CGNL1: variants seen among roughly 807,000 people sequenced by gnomAD.
The protein encoded by CGNL1 is cingulin-like protein 1.
A neutral mutation model predicts 141.2 loss-of-function variants in CGNL1; 132 were observed. The observed-to-expected ratio is 0.93, with a 90% CI of 0.81 to 1.08. CGNL1 has a LOEUF of 1.08. Ranked by LOEUF, CGNL1 falls within the 50% of genes least tolerant of loss-of-function variation. The pLI is 0.00. For synonymous variants in CGNL1, 690 were observed against 622.1 expected, an observed-to-expected ratio of 1.11 and a Z score of -1.63; for missense variants, 1,870 against 1,588.6, an observed-to-expected ratio of 1.18 and a Z score of -3.01.
At chr15:57,413,479 T>TCCCTAGGGGTTGC (rs1225162134) in intron 1 of CGNL1, among the ~76,000 whole-genome samples, 1 of 152,022 alleles carries the variant, frequency 6.6e-6, no homozygotes. Context: ...CCAGGGGTTG[T>TCCCTAGGGGTTGC]CCCTAGGGGT....
chr15:57,402,017 A>C (rs974471002), intron 1 of CGNL1: 9 of 152,226 alleles, frequency 5.9e-5, no homozygotes, highest in African/African-American at 2.2e-4. Flanking sequence ...GCTGAAGTCC[A>C]GCAGCCATCT....
chr15:57,501,457 C>T (rs1417671213), intron 8 of CGNL1, among the ~76,000 whole-genome samples: 1 of 152,232 alleles, frequency 6.6e-6, no homozygotes, highest in East Asian at 1.9e-4. Flanking sequence ...GCAGAGAGCC[C>T]TGTCCTCAGG....
intron 5 of CGNL1, 41 bp downstream of exon 5, chr15:57,451,642 C>G (rs2063323529): frequency 1.4e-6 from 2 of 1,438,090 alleles, no homozygotes; most frequent in South Asian, 2.4e-5. Flanking sequence ...CCATTTCTGT[C>G]TTGGTTGATA....
chr15:57,506,538 C>G (rs1208772374), intron 8 of CGNL1, among the ~76,000 whole-genome samples: 2 of 152,150 alleles, frequency 1.3e-5, no homozygotes, highest in African/African-American at 4.8e-5. Context: ...GAAATGCAGT[C>G]TTGGTGAGTG....
chr15:57,384,646 T>G (rs2062462031), intron 1 of CGNL1, among the ~76,000 whole-genome samples: 1 of 150,792 alleles, frequency 6.6e-6, no homozygotes, highest in South Asian at 2.1e-4. Context: ...GCTCTTTGTT[T>G]ATGTGTCTGA....
chr15:57,460,476 A>T (rs1477343616), intron 7 of CGNL1, among the ~76,000 whole-genome samples: 1 of 152,232 alleles, frequency 6.6e-6, no homozygotes, highest in East Asian at 1.9e-4. Flanking sequence ...GTATTAGTCC[A>T]TTCTCACACT....
chr15:57,497,958 G>T (rs561176304), intron 8 of CGNL1, among the ~76,000 whole-genome samples: 1 of 152,350 alleles, frequency 6.6e-6, no homozygotes, highest in Non-Finnish European at 1.5e-5. Flanking sequence ...GAGGATCAGA[G>T]GTGGGGATGG....
intron 8 of CGNL1, among the ~76,000 whole-genome samples, chr15:57,499,305 G>C (rs1219010848): frequency 4.1e-5 from 6 of 144,828 alleles, no homozygotes. Context: ...TAATGCAGTG[G>C]TGTGATCTTG....
At chr15:57,382,245 T>A (rs559344267) in intron 1 of CGNL1, among the ~76,000 whole-genome samples, 1 of 152,338 alleles carries the variant, frequency 6.6e-6, no homozygotes, top group African/African-American at 2.4e-5. Context: ...AAAAAAGGGC[T>A]AGTGAATGAA....
intron 1 of CGNL1, among the ~76,000 whole-genome samples, chr15:57,411,933 C>A (rs1172208625): frequency 6.6e-6 from 1 of 152,182 alleles, no homozygotes; most frequent in Non-Finnish European, 1.5e-5. Flanking sequence ...GCATCAAATG[C>A]TTCTTGGAAA....
At chr15:57,401,403 C>T (rs1294667457) in intron 1 of CGNL1, among the ~76,000 whole-genome samples, 12 of 152,212 alleles carry the variant, frequency 7.9e-5, no homozygotes, top group South Asian at 4.2e-4. Flanking sequence ...AACTCCAAAC[C>T]GTCCGTCAGA....
chr15:57,447,618 TC>T (rs2063270754), intron 4 of CGNL1, among the ~76,000 whole-genome samples: 1 of 152,200 alleles, frequency 6.6e-6, no homozygotes, highest in African/African-American at 2.4e-5. Context: ...TATTTATTTT[TC>T]TTGGGGTTCA....
rs754863447 is a variant in CGNL1 at position 57,544,453 on chromosome 15, G to A, written c.3376-20G>A. The A allele has an allele frequency of 1.2e-6, 2 of 1,613,860 alleles. No individual in the cohort carries two copies. The highest frequency in any genetic ancestry group is 3.3e-5 in the Admixed American group (2 of 60,006). ...CGTGGCAGACACATAGCCCCTCACA[G>A]TCTCCCTGTGTTGTTCCAGAACAAG... On this transcript the variant is annotated intron_variant, in intron 15 of 18. Coordinates refer to ENST00000281282, the MANE Select transcript of CGNL1 (RefSeq NM_032866.5).
intron 8 of CGNL1, among the ~76,000 whole-genome samples, chr15:57,467,337 G>A (rs1488100114): frequency 6.6e-6 from 1 of 152,120 alleles, no homozygotes; most frequent in African/African-American, 2.4e-5. Flanking sequence ...TTTAGGGAGG[G>A]GACAGTATTT....
At chr15:57,425,789 C>T (rs893517550) in intron 1 of CGNL1, among the ~76,000 whole-genome samples, 1 of 150,294 alleles carries the variant, frequency 6.7e-6, no homozygotes, top group African/African-American at 2.4e-5. Context: ...ACAAGTTGTA[C>T]TGACAAACCC....
chr15:57,389,299 CA>C (rs1426801263), intron 1 of CGNL1, among the ~76,000 whole-genome samples: 3 of 152,010 alleles, frequency 2.0e-5, no homozygotes, highest in African/African-American at 4.8e-5. Flanking sequence ...TCTCAAAAAA[CA>C]AAAAACAAAC....
chr15:57,445,681 C>T (rs751458909), intron 4 of CGNL1, among the ~76,000 whole-genome samples: 1 of 152,198 alleles, frequency 6.6e-6, no homozygotes, highest in East Asian at 1.9e-4. Context: ...GGAAGTACCT[C>T]ATTCCAAGTT....
At chr15:57,496,687 G>A (rs1466664928) in intron 8 of CGNL1, among the ~76,000 whole-genome samples, 1 of 152,172 alleles carries the variant, frequency 6.6e-6, no homozygotes, top group Admixed American at 6.5e-5. Context: ...ATATTGTAGA[G>A]GATGAAAGCA....
intron 1 of CGNL1, among the ~76,000 whole-genome samples, chr15:57,437,066 G>C (rs1220282485): frequency 6.6e-6 from 1 of 152,058 alleles, no homozygotes. Context: ...TTGCTGTTTT[G>C]CAAAGTGTTA....
Sources: gnomAD v4.1 joint callset for allele counts (sites outside exome capture counted in the v4.1 genomes callset) on GRCh38, gnomAD v4.1.1 for gene constraint, MANE v1.5 for transcripts, NCBI Gene and HGNC (gene_info 2026-07-23, HGNC 2026-07-21) for gene names.